Variants in DAB2IP observed in about 807,000 individuals in gnomAD.
The protein encoded by DAB2IP is disabled homolog 2-interacting protein.
Under a neutral mutation model 107.2 loss-of-function variants are expected in DAB2IP, and 28 were observed. The observed-to-expected ratio is 0.26, with a 90% CI of 0.19 to 0.36. The LOEUF (loss-of-function observed/expected upper bound fraction) is 0.36, where lower values mean the gene tolerates loss of function less well. Ranked by LOEUF, DAB2IP falls within the 10% of genes least tolerant of loss-of-function variation. The pLI is 1.00. For missense variants in DAB2IP, 1,400 were observed against 1,644.7 expected, an observed-to-expected ratio of 0.85 and a Z score of 2.57; for synonymous variants, 755 against 706.4, an observed-to-expected ratio of 1.07 and a Z score of -1.09.
At chr9:121,587,572 C>T (rs897305024) in intron 1 of DAB2IP, among the ~76,000 whole-genome samples, 7 of 150,102 alleles carry the variant, frequency 4.7e-5, no homozygotes, top group African/African-American at 7.4e-5. Flanking sequence ...CTCATTACTG[C>T]ACTCCAGTCT....
intron 2 of DAB2IP, among the ~76,000 whole-genome samples, chr9:121,694,829 C>CT (rs764915497): frequency 4.6e-5 from 7 of 152,148 alleles, no homozygotes; most frequent in Non-Finnish European, 8.8e-5. Context: ...AGGGAATGAG[C>CT]TGGGGGGGTG....
At chr9:121,569,598 T>C (rs548656784) in intron 1 of DAB2IP, among the ~76,000 whole-genome samples, 4 of 152,298 alleles carry the variant, frequency 2.6e-5, no homozygotes, top group East Asian at 3.9e-4. Context: ...GGCAGGTGGA[T>C]CACTTGAAGT....
chr9:121,661,506 CT>C (rs1044992122), intron 1 of DAB2IP, among the ~76,000 whole-genome samples: 2 of 152,134 alleles, frequency 1.3e-5, no homozygotes, highest in Non-Finnish European at 2.9e-5. Flanking sequence ...CCCTCCCCCA[CT>C]TTGGCAATGC....
chr9:121,592,843 C>T lies in DAB2IP; in HGVS notation c.40+25615C>T, dbSNP rs78995585. Among the ~76,000 whole-genome samples, 18 of 152,212 alleles carry T rather than the reference C, an allele frequency of 1.2e-4. 1 individual carries two copies. The highest frequency in any genetic ancestry group is 1.0e-3 in the South Asian group (5 of 4,814). ...CAGATGGAAGCTGACAAGGAAAAGA[C>T]GGGTCCAGATTGGAATCCCTGGGCT... On this transcript the variant is annotated intron_variant, in intron 1 of 16. Transcript: ENST00000259371.
rs1303606007 is a variant in DAB2IP, at chr9:121,699,732, C to G, written c.362+274C>G. ...CGAGGCCGGGCGCGAAGTCCCCTCG[C>G]AGGGAAGTCCTGCCTCGCCTGTCCG... On this transcript the variant is annotated intron_variant, in intron 3 of 15. Transcript: ENST00000408936. This position sits in a 1 kb window ranked among gnomAD's most constrained non-coding sequence, Gnocchi z 6.2. 6.6e-6 allele frequency among the ~76,000 whole-genome samples: 1 copy of G among 152,168 alleles called. No individual in the cohort carries two copies. Among genetic ancestry groups the G allele is most frequent in the Non-Finnish European group, 1.5e-5 (1 of 68,006 alleles).
Position 121,703,739 on chromosome 9 carries a change from G to T in DAB2IP, c.362+4281G>T, listed in dbSNP as rs76503880. Among the ~76,000 whole-genome samples, 81 of 152,290 alleles carry T rather than the reference G, an allele frequency of 5.3e-4. 1 individual carries two copies. In the East Asian group the frequency reaches 0.016, roughly 29 times the overall value. On this transcript the variant is annotated intron_variant, in intron 3 of 15. Coordinates refer to ENST00000408936, the Ensembl canonical transcript of DAB2IP. ...AAAGAGGTTAGATTAATATGTCATA[G>T]GTTTTCAGTTAATATTGGTAGGGTT...
chr9:121,666,703 A>G (rs888470748), intron 1 of DAB2IP, among the ~76,000 whole-genome samples: 1 of 152,142 alleles, frequency 6.6e-6, no homozygotes, highest in Non-Finnish European at 1.5e-5. Context: ...ACCATGTCAC[A>G]TGTATACCTA....
intron 3 of DAB2IP, among the ~76,000 whole-genome samples, chr9:121,725,660 G>A (rs533786546): frequency 2.0e-5 from 3 of 152,318 alleles, no homozygotes; most frequent in South Asian, 2.1e-4. Context: ...CTCTACCAGC[G>A]CTCAAGGAAG....
chr9:121,712,534 T>C (rs1830384962), intron 3 of DAB2IP, among the ~76,000 whole-genome samples: 1 of 152,122 alleles, frequency 6.6e-6, no homozygotes, highest in Non-Finnish European at 1.5e-5. Flanking sequence ...TGATTCCTAT[T>C]TGAGATTTCT....
chr9:121,607,491 T>C (rs1830925599), intron 1 of DAB2IP, among the ~76,000 whole-genome samples: 1 of 151,930 alleles, frequency 6.6e-6, no homozygotes, highest in African/African-American at 2.4e-5. Flanking sequence ...TTTGTAGAGA[T>C]GGGGTCTTGC....
chr9:121,736,713 G>A lies in DAB2IP; in HGVS notation c.363-20300G>A, dbSNP rs1831953436. ...CAAATCTTTTGGTTCCCCCGCTCCT[G>A]CCTTCCACTGCTCTGGCTGACCTGG... On this transcript the variant is annotated intron_variant, in intron 3 of 15. Coordinates refer to ENST00000408936, the Ensembl canonical transcript of DAB2IP. This position sits in a 1 kb window ranked among gnomAD's most constrained non-coding sequence, Gnocchi z 4.6. Among the ~76,000 whole-genome samples the A allele has an allele frequency of 1.3e-5, 2 of 152,356 alleles. No individual in the cohort carries two copies. The highest frequency in any genetic ancestry group is 4.1e-4 in the South Asian group (2 of 4,834).
chr9:121,580,244 G>A (rs1477877841), intron 1 of DAB2IP, among the ~76,000 whole-genome samples: 2 of 152,304 alleles, frequency 1.3e-5, no homozygotes, highest in East Asian at 3.9e-4. Flanking sequence ...TAGAGGGGAA[G>A]CACGCACCCA....
intron 3 of DAB2IP, chr9:121,751,911 C>T (rs1162245029): frequency 1.5e-5 from 15 of 985,254 alleles, no homozygotes; most frequent in Admixed American, 6.1e-5. Context: ...TTGGCTGTCC[C>T]GTGTGTGACC....
At chr9:121,768,548 C>G in exon 10 of DAB2IP, 7 of 1,614,226 alleles carry the variant, frequency 4.3e-6, no homozygotes, top group Non-Finnish European at 5.9e-6. Flanking sequence ...TCCAATACAG[C>G]CGGCTTCGAG....
intron 2 of DAB2IP, among the ~76,000 whole-genome samples, chr9:121,697,560 T>C (rs76749966): frequency 0.05 from 7,685 of 152,278 alleles, 409 homozygotes; most frequent in African/African-American, 0.13. Flanking sequence ...GGGGTCCCTC[T>C]GCATTAAGCA....
intron 11 of DAB2IP, 71 bp downstream of exon 11, chr9:121,770,795 A>C: frequency 4.6e-4 from 699 of 1,527,412 alleles, no homozygotes; most frequent in Non-Finnish European, 5.7e-4. Context: ...CTGTAATCTC[A>C]GATGGGGAAA....
upstream of DAB2IP, among the ~76,000 whole-genome samples, chr9:121,648,509 C>T (rs568713480): frequency 6.6e-6 from 1 of 152,116 alleles, no homozygotes; most frequent in African/African-American, 2.4e-5. Context: ...CCTTGGGAGG[C>T]TTTTGAGGGG....
At chr9:121,591,921 C>G (rs965238463) in intron 1 of DAB2IP, among the ~76,000 whole-genome samples, 2 of 152,048 alleles carry the variant, frequency 1.3e-5, no homozygotes, top group African/African-American at 4.8e-5. Context: ...AACTAGGGGA[C>G]AAACTGGGAG....
chr9:121,589,178 A>G (rs1017479188), intron 1 of DAB2IP, among the ~76,000 whole-genome samples: 15 of 152,226 alleles, frequency 9.9e-5, no homozygotes, highest in Admixed American at 9.2e-4. Flanking sequence ...GTAGACATGG[A>G]TCCACATGGA....
Sources: allele counts gnomAD v4.1 joint callset (sites outside exome capture counted in the v4.1 genomes callset), GRCh38; gene constraint gnomAD v4.1.1; non-coding constraint Gnocchi (gnomAD v3.1); transcripts MANE v1.5; gene names NCBI Gene and HGNC (gene_info 2026-07-23, HGNC 2026-07-21).